The following MAN2A2 variants were observed in gnomAD, a reference collection of about 807,000 sequenced individuals.
MAN2A2 encodes the protein mannosidase alpha class 2A member 2, also known as alpha-mannosidase 2x.
In MAN2A2, 79 loss-of-function variants were observed where a neutral mutation model predicts 126.8. The ratio of observed to expected loss-of-function variants is 0.62; its 90% CI spans 0.52 to 0.75. The LOEUF is 0.75. Among genes scored for constraint, MAN2A2 ranks in the 30% least tolerant of loss-of-function variants. MAN2A2 has a pLI of 0.00. For synonymous variants in MAN2A2, 671 were observed against 618.7 expected, an observed-to-expected ratio of 1.08 and a Z score of -1.25; for missense variants, 1,392 against 1,522.4, an observed-to-expected ratio of 0.91 and a Z score of 1.43.
At chr15:90,915,853 T>C in intron 19 of MAN2A2, 1 of 428,432 alleles carries the variant, frequency 2.3e-6, no homozygotes, top group Non-Finnish European at 4.2e-6. Flanking sequence ...TCCCTACTCC[T>C]GAGTCCCAGA....
Position 90,918,708 on chromosome 15 carries a change from CTGG to C in MAN2A2, c.3254_3256del (p.Leu1085_Glu1086delinsGln), listed in dbSNP as rs2035376565. 1 of 1,521,728 alleles carries C rather than the reference CTGG, an allele frequency of 6.6e-7. No homozygotes were observed. Among genetic ancestry groups the C allele is most frequent in the Non-Finnish European group, 9.1e-7 (1 of 1,096,410 alleles). The allele number at this position is 1,521,728 out of a possible 1,614,324, so 94.3% of individuals were successfully genotyped here. A position where few individuals can be genotyped will look rare whatever the true frequency, so the allele number is the denominator to read the frequency against. The stretch of plus-strand genomic sequence containing the variant: ...ACACCGCAAGGGTTTTGACTGCGGC[CTGG>C]AGGCCAAGAACTTGGGCTTCAACTG... On this transcript the variant is annotated inframe_deletion, in exon 22 of 23. Coordinates refer to ENST00000559717, the MANE Select transcript of MAN2A2 (RefSeq NM_006122.4).
In MAN2A2 at chr15:90,904,351, C is replaced by T. The variant is rs763191962; in HGVS notation, c.132+12C>T. 18 of 1,611,592 alleles carry T rather than the reference C, an allele frequency of 1.1e-5. No individual in the cohort carries two copies. The South Asian group carries it at 1.6e-4, about 15-fold the overall frequency. ...GGAACTTCCCCCGGGTGAGTCGTGC[C>T]TGGTTGCTAATTTCTTTGTATACAA... On this transcript the variant is annotated intron_variant, in intron 2 of 22. Transcript: ENST00000559717.
At chr15:90,908,386 G>A (rs1324753445) in intron 8 of MAN2A2, among the ~76,000 whole-genome samples, 1 of 152,218 alleles carries the variant, frequency 6.6e-6, no homozygotes, top group Admixed American at 6.5e-5. Flanking sequence ...TCTTTGGACT[G>A]TGATATTTAT....
In MAN2A2 at chr15:90,909,364, C is replaced by T. The variant is rs142925505; in HGVS notation, c.1234C>T (p.Gln412Ter). The T allele has an allele frequency of 1.7e-3, 2,733 of 1,613,924 alleles. 4 individuals are homozygous for T. Among genetic ancestry groups the T allele is most frequent in the Admixed American group, 2.9e-3 (177 of 60,020 alleles). Reference sequence around the variant, plus strand: ...TCTGGACCAATACCGGAAGAAGTCCCAGCTGTTCCGAAGCAACGTCCTCCT... The same window carrying T: ...TCTGGACCAATACCGGAAGAAGTCCTAGCTGTTCCGAAGCAACGTCCTCCT... ...LLLDQYRKKSQLFRSNVLLVP... is the reference protein window; with the variant it reads ...LLLDQYRKKS The change falls in exon 9 of 23, where the codon CAG (glutamine) becomes TAG (stop). Residue 412 changes from glutamine (Q) to a stop codon, truncating the protein, a stop_gained. Coordinates refer to ENST00000559717, the MANE Select transcript of MAN2A2 (RefSeq NM_006122.4). LOFTEE classifies it high-confidence loss of function.
chr15:90,911,772 A>G, intron 14 of MAN2A2: 1 of 612,470 alleles, frequency 1.6e-6, no homozygotes, highest in Non-Finnish European at 2.9e-6. Flanking sequence ...TAATGGTAAA[A>G]ATAGCAGTTA....
chr15:90,915,812 T>G lies in MAN2A2; in HGVS notation c.2861-311T>G, dbSNP rs190902721. ...TTTTGTTGTATGTAACCCGTCCTGA[T>G]TCGGTTTCCTGCCTGGGCCCCTAGG... On this transcript the variant is annotated intron_variant, in intron 19 of 22. Coordinates refer to ENST00000559717, the MANE Select transcript of MAN2A2 (RefSeq NM_006122.4). 2.6e-5 allele frequency among the ~76,000 whole-genome samples: 4 copies of G among 152,370 alleles called. No individual in the cohort carries two copies. In the East Asian group the frequency reaches 7.7e-4, roughly 29 times the overall value.
At position 90,918,361 on chromosome 15, in the gene MAN2A2, G is replaced by C. The variant is rs574282928; in HGVS notation, c.3162G>C (p.Leu1054=). The C allele has an allele frequency of 1.2e-6, 2 of 1,614,094 alleles. No individual in the cohort carries two copies. Among genetic ancestry groups the C allele is most frequent in the Admixed American group, 3.3e-5 (2 of 60,024 alleles). Residue 1054 remains leucine (L), a synonymous_variant, in exon 21 of 23, where the codon CTG becomes CTC. Transcript: ENST00000559717. ...CCTCACTGCCCTGTGACTTCCACCT[G>C]CTCAACCTACGTACGCTCCAGGCTG... ...LASSLPCDFH[L]LNLRTLQAEE...
At chr15:90,911,091 C>T in intron 12 of MAN2A2, 80 bp from the exon 13 acceptor site, 2 of 1,526,914 alleles carry the variant, frequency 1.3e-6, no homozygotes, top group Non-Finnish European at 1.8e-6. Flanking sequence ...AGTGCAGCCG[C>T]TGGTCCACAC....
chr15:90,907,460 A>G lies in MAN2A2; in HGVS notation c.1161A>G (p.Pro387=), dbSNP rs1385970893. Residue 387 remains proline, a synonymous_variant, in exon 8 of 23, where the codon CCA becomes CCG. Transcript: ENST00000559717. ...GCATCAACTGCCCTTGGAAGGTGCC[A>G]CCCCGGGCCATCACAGAGGCCAACG... ...GGRINCPWKV[P]PRAITEANVA... 1.2e-6 allele frequency: 2 copies of G among 1,613,216 alleles called. No homozygotes were observed. Among genetic ancestry groups the G allele is most frequent in the Non-Finnish European group, 1.7e-6 (2 of 1,179,994 alleles).
Position 90,910,235 on chromosome 15 carries a change from A to T in MAN2A2, c.1520A>T (p.Tyr507Phe), listed in dbSNP as rs757310257. The T allele has an allele frequency of 1.2e-6, 2 of 1,614,010 alleles. No individual in the cohort carries two copies. Among genetic ancestry groups the T allele is most frequent in the African/African-American group, 2.7e-5 (2 of 74,904 alleles). Residue 507 changes from tyrosine (Y) to phenylalanine (F), a missense_variant, in exon 10 of 23, where the codon TAT (tyrosine) becomes TTT (phenylalanine). By Grantham distance (22) the Tyr-to-Phe change is conservative. Coordinates refer to ENST00000559717, the MANE Select transcript of MAN2A2 (RefSeq NM_006122.4). Reference protein sequence around the residue: ...ADREDHYWTGYYTSRPFYKSL... With the variant: ...ADREDHYWTGFYTSRPFYKSL... ...CGGGAGGATCATTACTGGACAGGCT[A>T]TTACACTTCCCGGCCCTTCTACAAG...
At chr15:90,907,579 C>A in intron 8 of MAN2A2, 84 bp downstream of exon 8, 1 of 1,379,734 alleles carries the variant, frequency 7.2e-7, no homozygotes, top group Non-Finnish European at 9.9e-7. Flanking sequence ...AGGGTGGGCT[C>A]AGGTGGTGAG....
chr15:90,906,269 C>T lies in MAN2A2; in HGVS notation c.708-101C>T. The T allele has an allele frequency of 2.0e-6, 3 of 1,491,882 alleles. No individual in the cohort carries two copies. In the East Asian group the frequency reaches 7.0e-5, roughly 35 times the overall value. The allele number at this position is 1,491,882 out of a possible 1,614,324, so 92.4% of individuals were successfully genotyped here. A position where few individuals can be genotyped will look rare whatever the true frequency, so the allele number is the denominator to read the frequency against. Reference sequence around the variant, plus strand: ...TCTCTTGGTCCTGGGATTGGGAGAACTGGTCCAGTGAGGCCAGTGCACACA... The same window carrying T: ...TCTCTTGGTCCTGGGATTGGGAGAATTGGTCCAGTGAGGCCAGTGCACACA... On this transcript the variant is annotated intron_variant, in intron 5 of 22. Transcript: ENST00000559717.
rs768477616 is a variant in MAN2A2, at chr15:90,904,204, C to T, written c.-4C>T. ...CTTCCTGCCAGGTGTGTGTGGAGGC[C>T]AGTATGAAGCTGAAAAAGCAGGTGA... On this transcript the variant is annotated 5_prime_UTR_variant, in exon 2 of 23. Coordinates refer to ENST00000559717, the MANE Select transcript of MAN2A2 (RefSeq NM_006122.4). 13 of 1,614,124 alleles carry T rather than the reference C, an allele frequency of 8.1e-6. No homozygotes were observed. The South Asian group carries it at 1.2e-4, about 15-fold the overall frequency.
chr15:90,903,340 G>A lies in MAN2A2; in HGVS notation c.-111G>A, dbSNP rs1167878355. ...TAGGGCACAACGCAGAGGCGACAAAGCTCCTCGGCCCCAGGGCCCGCGGAG... is the reference window on the plus strand; with the variant it reads ...TAGGGCACAACGCAGAGGCGACAAAACTCCTCGGCCCCAGGGCCCGCGGAG... On this transcript the variant is annotated 5_prime_UTR_variant, in exon 1 of 23. Coordinates refer to ENST00000559717, the MANE Select transcript of MAN2A2 (RefSeq NM_006122.4). 1 of 152,604 alleles carries A rather than the reference G, an allele frequency of 6.6e-6. No individual in the cohort carries two copies. The highest frequency in any genetic ancestry group is 1.5e-5 in the Non-Finnish European group (1 of 68,338). 9.5% of individuals were successfully genotyped at this position (152,604 alleles called of 1,614,324 possible).
chr15:90,910,482 A>G lies in MAN2A2; in HGVS notation c.1578-19A>G. ...TGGCTAGTGGTGCAGGCTGGCAGCT[A>G]ACTTCTCTCTCTGGGCAGGGGGGCA... is the stretch of plus-strand genomic sequence containing the variant. On this transcript the variant is annotated intron_variant, in intron 10 of 22. Coordinates refer to ENST00000559717, the MANE Select transcript of MAN2A2 (RefSeq NM_006122.4). 6.2e-7 allele frequency: 1 copy of G among 1,612,842 alleles called. No homozygotes were observed. Among genetic ancestry groups the G allele is most frequent in the East Asian group, 2.2e-5 (1 of 44,878 alleles).
intron 8 of MAN2A2, among the ~76,000 whole-genome samples, chr15:90,908,038 T>C (rs1255451847): frequency 6.6e-6 from 1 of 152,210 alleles, no homozygotes; most frequent in Non-Finnish European, 1.5e-5. Context: ...ACAAGTTGGA[T>C]TGGTTTTTAT....
In MAN2A2 at chr15:90,911,535, C is replaced by G. The variant is rs1596159453; in HGVS notation, c.2094C>G (p.Val698=). The stretch of plus-strand genomic sequence containing the variant: ...ACTGGAGCTCTGCCACCGAGGCGGT[C>G]CCTGACGTCTACCAGGTGAGGTGTG... ...SAHWSSATEA[V]PDVYQVSVPV... is the part of the protein sequence containing the mutation. The change falls in exon 14 of 23, where the codon GTC becomes GTG. Residue 698 remains valine (V), a synonymous_variant. Coordinates refer to ENST00000559717, the MANE Select transcript of MAN2A2 (RefSeq NM_006122.4). 1.2e-6 allele frequency: 2 copies of G among 1,612,476 alleles called. No individual in the cohort carries two copies. Among genetic ancestry groups the G allele is most frequent in the Non-Finnish European group, 1.7e-6 (2 of 1,179,400 alleles).
intron 20 of MAN2A2, 46 bp from the exon 21 acceptor site, chr15:90,918,148 C>T: frequency 6.4e-7 from 1 of 1,567,072 alleles, no homozygotes; most frequent in Non-Finnish European, 8.7e-7. Context: ...CCTCTCCCCT[C>T]AGCCTGGCTT....
At chr15:90,910,451 G>A in intron 10 of MAN2A2, 50 bp from the exon 11 acceptor site, 1 of 1,601,912 alleles carries the variant, frequency 6.2e-7, no homozygotes, top group South Asian at 1.1e-5. Context: ...GAGTGTGGGT[G>A]GGCCCTGGCT....
Sources: gnomAD v4.1 joint callset for allele counts (sites outside exome capture counted in the v4.1 genomes callset) on GRCh38, gnomAD v4.1.1 for gene constraint, MANE v1.5 for transcripts, NCBI Gene and HGNC (gene_info 2026-07-23, HGNC 2026-07-21) for gene names.